MYT1L: variants seen among roughly 807,000 people sequenced by gnomAD.
The protein encoded by MYT1L is myelin transcription factor 1-like protein.
In MYT1L, 12 loss-of-function variants were observed where a neutral mutation model predicts 126.7. That is an observed-to-expected ratio of 0.09 (90% CI 0.06 to 0.15). The LOEUF is 0.15. MYT1L is among the 10% of genes least tolerant of loss of function. The pLI is 1.00. For missense variants in MYT1L, 979 were observed against 1,585.2 expected (o/e 0.62, Z 6.49); for synonymous variants, 541 against 604.2 (o/e 0.90, Z 1.53).
rs1238270573 is a variant in MYT1L, at chr2:1,917,090, G to C, written c.1618+115C>G. 3 of 1,328,088 alleles carry C rather than the reference G, an allele frequency of 2.3e-6. No homozygotes were observed. The Admixed American group carries it at 6.7e-5, about 29-fold the overall frequency. 82.3% of individuals were successfully genotyped at this position (1,328,088 alleles called of 1,614,324 possible). On this transcript the variant is annotated intron_variant, in intron 11 of 24. Coordinates refer to ENST00000647738, the MANE Select transcript of MYT1L (RefSeq NM_001303052.2). This position sits in a 1 kb window ranked among gnomAD's most constrained non-coding sequence, Gnocchi z 5.9. Reference sequence around the variant, plus strand: ...GCCCATCAAGTTAAGTAGGGGCCTAGTTAAATCAGGTCGCACCGAGCCGTA... The same window carrying C: ...GCCCATCAAGTTAAGTAGGGGCCTACTTAAATCAGGTCGCACCGAGCCGTA...
At chr2:2,023,411 T>A (rs1180686461) in intron 4 of MYT1L, among the ~76,000 whole-genome samples, 5 of 152,228 alleles carry the variant, frequency 3.3e-5, no homozygotes, top group African/African-American at 1.2e-4. Context: ...GGCCTGCGTG[T>A]GTGAAGAACT....
chr2:2,147,378 G>C (rs905722534), intron 3 of MYT1L, among the ~76,000 whole-genome samples: 4 of 152,232 alleles, frequency 2.6e-5, no homozygotes, highest in African/African-American at 9.6e-5. Flanking sequence ...GCCTGTTGGC[G>C]ATGTGGGCTC....
intron 21 of MYT1L, among the ~76,000 whole-genome samples, chr2:1,834,330 A>T (rs1436093536): frequency 6.6e-6 from 1 of 152,224 alleles, no homozygotes; most frequent in Non-Finnish European, 1.5e-5. Flanking sequence ...CCAAGGAAAG[A>T]GAAATGTCTA....
At chr2:1,820,187 C>T (rs1428689945) in intron 21 of MYT1L, among the ~76,000 whole-genome samples, 1 of 152,194 alleles carries the variant, frequency 6.6e-6, no homozygotes, top group Non-Finnish European at 1.5e-5. Flanking sequence ...GCTGCTTTTG[C>T]ATTCCAAATT....
At chr2:1,835,682 G>A (rs1414783593) in intron 21 of MYT1L, among the ~76,000 whole-genome samples, 3 of 152,158 alleles carry the variant, frequency 2.0e-5, no homozygotes, top group African/African-American at 4.8e-5. Flanking sequence ...CACAAACAGG[G>A]CTGCTGGTCA....
chr2:1,862,433 A>G (rs2044807359), intron 18 of MYT1L, among the ~76,000 whole-genome samples: 1 of 152,154 alleles, frequency 6.6e-6, no homozygotes, highest in Non-Finnish European at 1.5e-5. Context: ...TTCCCTTGTT[A>G]TCAATAATGC....
chr2:2,034,194 C>T (rs1399243047), intron 4 of MYT1L, among the ~76,000 whole-genome samples: 3 of 152,178 alleles, frequency 2.0e-5, no homozygotes, highest in African/African-American at 7.2e-5. Flanking sequence ...CGACACAATT[C>T]AGGCATATCC....
intron 4 of MYT1L, 35 bp downstream of exon 4, chr2:2,053,943 A>G (rs1484027682): frequency 6.5e-6 from 1 of 152,696 alleles, no homozygotes; most frequent in Non-Finnish European, 1.5e-5. Context: ...CTGCATGTAA[A>G]GCTTAAAATA....
chr2:1,909,500 T>C (rs533753739), intron 13 of MYT1L, among the ~76,000 whole-genome samples: 1 of 152,292 alleles, frequency 6.6e-6, no homozygotes, highest in Admixed American at 6.5e-5. Context: ...ATGTGACAAT[T>C]GTCATAGTTT....
At chr2:2,072,104 A>G (rs550112448) in intron 3 of MYT1L, among the ~76,000 whole-genome samples, 31 of 152,320 alleles carry the variant, frequency 2.0e-4, no homozygotes, top group African/African-American at 6.5e-4. Context: ...GAGGAGCCCA[A>G]TGATTCAAAT....
At chr2:2,145,925 T>C (rs2148237168) in intron 3 of MYT1L, among the ~76,000 whole-genome samples, 1 of 152,338 alleles carries the variant, frequency 6.6e-6, no homozygotes, top group Non-Finnish European at 1.5e-5. Flanking sequence ...TTCAGAGGAC[T>C]TCTATCCTTT....
At chr2:1,817,327 G>A (rs1440436648) in intron 21 of MYT1L, among the ~76,000 whole-genome samples, 1 of 152,148 alleles carries the variant, frequency 6.6e-6, no homozygotes, top group Non-Finnish European at 1.5e-5. Flanking sequence ...GGGGGATAGG[G>A]GCGCCACACG....
intron 9 of MYT1L, among the ~76,000 whole-genome samples, chr2:1,940,320 G>A (rs1205820903): frequency 4.7e-5 from 7 of 149,300 alleles, no homozygotes; most frequent in African/African-American, 1.7e-4. Flanking sequence ...TCAGTAAACT[G>A]GGTGCACCTG....
intron 2 of MYT1L, among the ~76,000 whole-genome samples, chr2:2,225,687 C>T (rs1044205692): frequency 1.2e-4 from 18 of 152,152 alleles, no homozygotes; most frequent in South Asian, 4.2e-4. Flanking sequence ...TGAGCCGGGG[C>T]GGGGGTGGGG....
chr2:1,796,869 A>T (rs551683506), intron 23 of MYT1L, among the ~76,000 whole-genome samples: 68 of 152,222 alleles, frequency 4.5e-4, no homozygotes, highest in African/African-American at 1.5e-3. Flanking sequence ...GTTCACACAA[A>T]TGCCGCTTGC....
chr2:2,130,170 G>C (rs971824584), intron 3 of MYT1L, among the ~76,000 whole-genome samples: 7 of 151,364 alleles, frequency 4.6e-5, no homozygotes, highest in Non-Finnish European at 1.0e-4. Flanking sequence ...AGTATAAAAG[G>C]GGTTCCGAAT....
rs1031149840 is a variant in MYT1L, at chr2:1,806,248, A to G, written c.3172+2828T>C. Among the ~76,000 whole-genome samples, 2 of 152,200 alleles carry G rather than the reference A, an allele frequency of 1.3e-5. No homozygotes were observed. The highest frequency in any genetic ancestry group is 2.9e-5 in the Non-Finnish European group (2 of 68,042). On this transcript the variant is annotated intron_variant, in intron 22 of 24. Coordinates refer to ENST00000647738, the MANE Select transcript of MYT1L (RefSeq NM_001303052.2). The surrounding 1 kb of genome is among the most constrained non-coding windows in gnomAD (Gnocchi z 4.9). ...CAGGCATCAGCACACACTTGGACTT[A>G]GGAAGACCCACTTCCACCACCTGTT...
chr2:2,007,707 G>A (rs1038858632), intron 4 of MYT1L, among the ~76,000 whole-genome samples: 1 of 152,110 alleles, frequency 6.6e-6, no homozygotes, highest in Non-Finnish European at 1.5e-5. Flanking sequence ...TTCCATGTGT[G>A]AGGTGGTAAC....
intron 3 of MYT1L, among the ~76,000 whole-genome samples, chr2:2,153,768 C>G (rs2086231647): frequency 6.6e-6 from 1 of 152,138 alleles, no homozygotes; most frequent in Admixed American, 6.5e-5. Context: ...GGAAGACTCT[C>G]TGAGTGGGTT....
Sources: allele counts gnomAD v4.1 joint callset (sites outside exome capture counted in the v4.1 genomes callset), GRCh38; gene constraint gnomAD v4.1.1; non-coding constraint Gnocchi (gnomAD v3.1); transcripts MANE v1.5; gene names NCBI Gene and HGNC (gene_info 2026-07-23, HGNC 2026-07-21).